PPP1R13B: variants seen among roughly 807,000 people sequenced by gnomAD.
PPP1R13B encodes protein phosphatase 1 regulatory subunit 13B, also known as apoptosis-stimulating of p53 protein 1.
Under a neutral mutation model 119.8 loss-of-function variants are expected in PPP1R13B, and 44 were observed. The ratio of observed to expected loss-of-function variants is 0.37; its 90% CI spans 0.29 to 0.47. PPP1R13B has a LOEUF of 0.47. PPP1R13B is among the 20% of genes least tolerant of loss of function. The pLI is 0.99. For synonymous variants in PPP1R13B, 542 were observed against 561.5 expected, an observed-to-expected ratio of 0.97 and a Z score of 0.49; for missense variants, 1,227 against 1,413.5, an observed-to-expected ratio of 0.87 and a Z score of 2.12.
chr14:103,848,362 G>A (rs1298181371), upstream of PPP1R13B: 1 of 985,336 alleles, frequency 1.0e-6, no homozygotes, highest in Non-Finnish European at 1.2e-6. Flanking sequence ...CTGCAGTCCC[G>A]TCTCCAGAGG....
At chr14:103,830,622 C>G (rs980883697) in intron 1 of PPP1R13B, among the ~76,000 whole-genome samples, 1 of 152,158 alleles carries the variant, frequency 6.6e-6, no homozygotes, top group Non-Finnish European at 1.5e-5. Context: ...TCCAAACATA[C>G]AAACCAAGTA....
chr14:103,837,741 C>A (rs1187269948), intron 1 of PPP1R13B, among the ~76,000 whole-genome samples: 1 of 152,194 alleles, frequency 6.6e-6, no homozygotes, highest in East Asian at 1.9e-4. Flanking sequence ...ACTGCACCAA[C>A]TATCTCTCTT....
At chr14:103,782,364 G>C (rs549128170) in intron 3 of PPP1R13B, among the ~76,000 whole-genome samples, 2 of 151,614 alleles carry the variant, frequency 1.3e-5, no homozygotes, top group South Asian at 2.1e-4. Flanking sequence ...TGTGTAGATG[G>C]ACCCTAATTT....
At chr14:103,808,251 A>G (rs1405878451) in intron 1 of PPP1R13B, among the ~76,000 whole-genome samples, 1 of 152,110 alleles carries the variant, frequency 6.6e-6, no homozygotes, top group Non-Finnish European at 1.5e-5. Flanking sequence ...AAAAAAAAAA[A>G]AAAATTAGTG....
chr14:103,814,120 G>A (rs2086222102), intron 1 of PPP1R13B, among the ~76,000 whole-genome samples: 1 of 152,126 alleles, frequency 6.6e-6, no homozygotes, highest in African/African-American at 2.4e-5. Flanking sequence ...AGGCCAAGGC[G>A]GATGGATCAC....
In PPP1R13B at chr14:103,742,616, G is replaced by A. The variant is rs760155337; in HGVS notation, c.1320+38C>T. The A allele has an allele frequency of 3.1e-6, 5 of 1,599,040 alleles. No homozygotes were observed. Among genetic ancestry groups the A allele is most frequent in the Non-Finnish European group, 3.4e-6 (4 of 1,173,058 alleles). On this transcript the variant is annotated intron_variant, in intron 10 of 16. Coordinates refer to ENST00000202556, the MANE Select transcript of PPP1R13B (RefSeq NM_015316.3). This position sits in a 1 kb window ranked among gnomAD's most constrained non-coding sequence, Gnocchi z 4.9. ...TAAGGCAGAAGAGAGCCCTGTTGAA[G>A]AGCCCGCTTGTGTTCTGTGGTAAAG...
At chr14:103,801,904 A>C (rs947425001) in intron 1 of PPP1R13B, among the ~76,000 whole-genome samples, 4 of 152,194 alleles carry the variant, frequency 2.6e-5, no homozygotes, top group Admixed American at 1.3e-4. Flanking sequence ...TTTTACAATA[A>C]ATTTTTTAAA....
chr14:103,836,473 C>A (rs774778782), intron 1 of PPP1R13B, among the ~76,000 whole-genome samples: 56 of 151,940 alleles, frequency 3.7e-4, no homozygotes, highest in Non-Finnish European at 6.3e-4. Flanking sequence ...AGGGGTTAAA[C>A]AATTTGTCCA....
chr14:103,742,977 C>A lies in PPP1R13B; in HGVS notation c.1151-154G>T. 1.3e-6 allele frequency: 1 copy of A among 792,798 alleles called. No homozygotes were observed. The highest frequency in any genetic ancestry group is 1.7e-5 in the African/African-American group (1 of 57,806). 49.1% of individuals were successfully genotyped at this position (792,798 alleles called of 1,614,324 possible). A position where few individuals can be genotyped will look rare whatever the true frequency, so the allele number is the denominator to read the frequency against. On this transcript the variant is annotated intron_variant, in intron 9 of 16. Coordinates refer to ENST00000202556, the MANE Select transcript of PPP1R13B (RefSeq NM_015316.3). The surrounding 1 kb of genome is among the most constrained non-coding windows in gnomAD (Gnocchi z 4.9). ...GGTCAACCACCAGCCACATGCACAA[C>A]TGCTGATCTCCTCCAGCACCCACAG...
rs115322968 is a variant in PPP1R13B, at chr14:103,829,456, A to C, written c.9+17843T>G. 5.4e-3 allele frequency among the ~76,000 whole-genome samples: 818 copies of C among 152,272 alleles called. 6 individuals carry two copies. The highest frequency in any genetic ancestry group is 0.019 in the African/African-American group (782 of 41,562). ...TTTTTAATACAGACAAGGTCTTTCT[A>C]TGTTGTTGCCCAGGCTGGTCTCAGA... On this transcript the variant is annotated intron_variant, in intron 1 of 16. Coordinates refer to ENST00000202556, the MANE Select transcript of PPP1R13B (RefSeq NM_015316.3).
chr14:103,776,899 T>C (rs1463828360), intron 4 of PPP1R13B, among the ~76,000 whole-genome samples: 2 of 151,960 alleles, frequency 1.3e-5, no homozygotes, highest in East Asian at 3.9e-4. Context: ...ACTCAATCTC[T>C]AGTCTTAAAA....
In PPP1R13B at chr14:103,733,905, A is replaced by G. The variant is rs1487531487; in HGVS notation, c.*1249T>C. ...TCAGTGCTCCAAGGTGATGGGCTAC[A>G]GTGCTGCATCAGTGAGTCTGTACAC... is the stretch of plus-strand genomic sequence containing the variant. On this transcript the variant is annotated 3_prime_UTR_variant, in exon 17 of 17. Coordinates refer to ENST00000202556, the MANE Select transcript of PPP1R13B (RefSeq NM_015316.3). 6.5e-6 allele frequency: 1 copy of G among 154,026 alleles called. No homozygotes were observed. Among genetic ancestry groups the G allele is most frequent in the African/African-American group, 2.4e-5 (1 of 41,456 alleles). 9.5% of individuals were successfully genotyped at this position (154,026 alleles called of 1,614,324 possible).
At chr14:103,758,958 C>CT (rs10712106) in intron 4 of PPP1R13B, among the ~76,000 whole-genome samples, 4,079 of 144,778 alleles carry the variant, frequency 0.028, 152 homozygotes, top group African/African-American at 0.082. Context: ...ATTTAACAGT[C>CT]TTTTTTTTTT....
At position 103,738,519 on chromosome 14, in the gene PPP1R13B, C is replaced by G. The variant is rs2084169499; in HGVS notation, c.2864+160G>C. The G allele has an allele frequency of 8.5e-7, 1 of 1,182,046 alleles. No individual in the cohort carries two copies. The highest frequency in any genetic ancestry group is 1.5e-5 in the African/African-American group (1 of 64,828). The allele number at this position is 1,182,046 out of a possible 1,614,324, so 73.2% of individuals were successfully genotyped here. ...CAAGAGAAAAGGCTGGAAAAAAAGGCAAGGAAACCCTGGCAACAGCTGTCT... is the reference window on the plus strand; with the variant it reads ...CAAGAGAAAAGGCTGGAAAAAAAGGGAAGGAAACCCTGGCAACAGCTGTCT... On this transcript the variant is annotated intron_variant, in intron 14 of 16. Coordinates refer to ENST00000202556, the MANE Select transcript of PPP1R13B (RefSeq NM_015316.3). The surrounding 1 kb of genome is among the most constrained non-coding windows in gnomAD (Gnocchi z 5.6).
At chr14:103,812,124 G>A (rs1271003829) in intron 1 of PPP1R13B, among the ~76,000 whole-genome samples, 1 of 140,908 alleles carries the variant, frequency 7.1e-6, no homozygotes, top group Admixed American at 7.1e-5. Flanking sequence ...GTTTCTGTGT[G>A]TGGTTTTTTT....
intron 1 of PPP1R13B, among the ~76,000 whole-genome samples, chr14:103,845,967 A>G (rs184957255): frequency 2.2e-3 from 331 of 152,330 alleles, no homozygotes; most frequent in Middle Eastern, 0.02. Flanking sequence ...TCCTCAGGAC[A>G]GCGCTCAGAT....
chr14:103,809,489 A>G (rs1378674683), intron 1 of PPP1R13B, among the ~76,000 whole-genome samples: 1 of 152,152 alleles, frequency 6.6e-6, no homozygotes, highest in African/African-American at 2.4e-5. Context: ...GAGGTGATAC[A>G]GCTGACCACA....
At chr14:103,812,518 C>T (rs530342011) in intron 1 of PPP1R13B, among the ~76,000 whole-genome samples, 1 of 152,172 alleles carries the variant, frequency 6.6e-6, no homozygotes, top group Admixed American at 6.5e-5. Context: ...CTCCTGGGTT[C>T]GAGCGATTCT....
chr14:103,786,231 G>A (rs1203546571), intron 2 of PPP1R13B, among the ~76,000 whole-genome samples: 1 of 151,852 alleles, frequency 6.6e-6, no homozygotes, highest in African/African-American at 2.4e-5. Context: ...TGTAGAGATG[G>A]GGTTTTTGCC....
Sources: allele counts gnomAD v4.1 joint callset (sites outside exome capture counted in the v4.1 genomes callset), GRCh38; gene constraint gnomAD v4.1.1; non-coding constraint Gnocchi (gnomAD v3.1); transcripts MANE v1.5; gene names NCBI Gene and HGNC (gene_info 2026-07-23, HGNC 2026-07-21).